Variants in GART observed in about 807,000 individuals in gnomAD.
GART encodes the protein trifunctional purine biosynthetic protein adenosine-3.
Under a neutral mutation model 107.2 loss-of-function variants are expected in GART, and 43 were observed. The observed-to-expected ratio is 0.40, with a 90% CI of 0.31 to 0.52. The LOEUF (loss-of-function observed/expected upper bound fraction) is 0.52. GART is among the 20% of genes least tolerant of loss of function. The probability of loss-of-function intolerance (pLI) is 0.52; values close to 1 mark genes in which losing one functional copy is unlikely to be tolerated. For synonymous variants in GART, 434 were observed against 427.0 expected (o/e 1.02, Z -0.20); for missense variants, 1,107 against 1,206.5 (o/e 0.92, Z 1.22).
chr21:33,533,520 A>G (rs1353786523), intron 4 of GART, among the ~76,000 whole-genome samples: 1 of 151,992 alleles, frequency 6.6e-6, no homozygotes. Flanking sequence ...GTGGTGGCAG[A>G]TGACCAAGTG....
In GART at chr21:33,511,295, C is replaced by G; in HGVS notation, c.2271G>C (p.Lys757Asn). ...EQILRDIQQH[K>N]EEAWVIGSVV... ...CACTGCCAATCACCCAGGCTTCTTCCTTGTGCTGCTGGATATCCCTCAGAA... is the reference window on the plus strand; with the variant it reads ...CACTGCCAATCACCCAGGCTTCTTCGTTGTGCTGCTGGATATCCCTCAGAA... The change falls in exon 17 of 22, where the codon AAG becomes AAC. Residue 757 changes from lysine (K) to asparagine (N), a missense_variant. Lys to Asn is a moderately conservative substitution (Grantham distance 94). Coordinates refer to ENST00000381815, the MANE Select transcript of GART (RefSeq NM_000819.5). 1 of 1,614,178 alleles carries G rather than the reference C, an allele frequency of 6.2e-7. No homozygotes were observed. Among genetic ancestry groups the G allele is most frequent in the Non-Finnish European group, 8.5e-7 (1 of 1,180,032 alleles).
chr21:33,525,163 C>G (rs1045865491), intron 10 of GART, among the ~76,000 whole-genome samples, 163 bp from the exon 11 acceptor site: 2 of 150,900 alleles, frequency 1.3e-5, no homozygotes, highest in Non-Finnish European at 2.9e-5. Flanking sequence ...GAGGCAAGGA[C>G]TGCTTGAGTC....
chr21:33,511,128 A>T (rs1398342802), intron 17 of GART, 124 bp downstream of exon 17: 3 of 921,870 alleles, frequency 3.3e-6, no homozygotes, highest in Non-Finnish European at 5.3e-6. Context: ...CATCTGTGTA[A>T]AGATAGTTGC....
At chr21:33,512,216 G>C (rs181403087) in intron 16 of GART, among the ~76,000 whole-genome samples, 4 of 149,056 alleles carry the variant, frequency 2.7e-5, no homozygotes, top group African/African-American at 2.5e-5. Context: ...CCTGGGAGGT[G>C]GAGGTTGCAG....
intron 11 of GART, chr21:33,524,185 C>T (rs1036809940): frequency 2.0e-6 from 2 of 985,296 alleles, no homozygotes; most frequent in Non-Finnish European, 2.4e-6. Context: ...CCAGTATTCT[C>T]ATCTTCAGTT....
rs370507844 is a variant in GART, at chr21:33,530,775, T to C, written c.707A>G (p.Tyr236Cys). Residue 236 changes from tyrosine (Y) to cysteine (C), a missense_variant, in exon 7 of 22, where the codon TAT (tyrosine) becomes TGT (cysteine). Tyr to Cys is a radical substitution (Grantham distance 194). Transcript: ENST00000381815. ...GGPNTGGMGA[Y>C]CPAPQVSNDL... ...GGGAAGTACCTGAGGGGCTGGACAA[T>C]AGGCTCCCATTCCCCCTGTGTTAGG... 6.6e-7 allele frequency: 1 copy of C among 1,506,270 alleles called. No homozygotes were observed. Among genetic ancestry groups the C allele is most frequent in the Non-Finnish European group, 8.8e-7 (1 of 1,132,764 alleles). The allele number at this position is 1,506,270 out of a possible 1,614,324, so 93.3% of individuals were successfully genotyped here.
In GART at chr21:33,531,568, G is replaced by GA. The variant is rs762167466; in HGVS notation, c.529-12dup. ...CCCAAAGGCTTTCTCCTGATTGTAA[G>GA]ATTTTTTTTTTTTTTTTTTTTAAAA... is the stretch of plus-strand genomic sequence containing the variant. On this transcript the variant is annotated splice_polypyrimidine_tract_variant and intron_variant, in intron 5 of 21. Transcript: ENST00000381815. 4.9e-6 allele frequency: 7 copies of GA among 1,439,772 alleles called. No individual in the cohort carries two copies. The South Asian group carries it at 9.0e-5, about 18-fold the overall frequency. 89.2% of individuals were successfully genotyped at this position (1,439,772 alleles called of 1,614,324 possible). A position where few individuals can be genotyped will look rare whatever the true frequency, so the allele number is the denominator to read the frequency against.
intron 2 of GART, among the ~76,000 whole-genome samples, chr21:33,538,512 C>T (rs1054132125): frequency 2.6e-5 from 4 of 152,128 alleles, no homozygotes; most frequent in Admixed American, 2.0e-4. Context: ...GGATTGTAAG[C>T]GTGAGCCACT....
At chr21:33,535,906 T>C (rs546340669) in intron 2 of GART, among the ~76,000 whole-genome samples, 2 of 152,150 alleles carry the variant, frequency 1.3e-5, no homozygotes, top group African/African-American at 4.8e-5. Context: ...CATGCACCTG[T>C]AATCCCAACT....
chr21:33,520,361 TA>T lies in GART; in HGVS notation c.1702+2del. The stretch of plus-strand genomic sequence containing the variant: ...TGTTATTGATTAAAATGGCTGATCA[TA>T]CCAAGGAGAGCACATCCAGCTTTTC... On this transcript the variant is annotated splice_donor_variant, in intron 14 of 21. Coordinates refer to ENST00000381815, the MANE Select transcript of GART (RefSeq NM_000819.5). LOFTEE classifies it high-confidence loss of function. The T allele has an allele frequency of 6.2e-7, 1 of 1,613,794 alleles. No homozygotes were observed. The highest frequency in any genetic ancestry group is 8.5e-7 in the Non-Finnish European group (1 of 1,179,686).
At chr21:33,528,660 A>G in intron 8 of GART, 56 bp from the exon 9 acceptor site, 1 of 1,206,510 alleles carries the variant, frequency 8.3e-7, no homozygotes, top group Middle Eastern at 2.1e-4. Context: ...TGATGAAGAC[A>G]CTGTATTACA....
chr21:33,535,476 G>A (rs1190635650), intron 2 of GART, among the ~76,000 whole-genome samples, 156 bp from the exon 3 acceptor site: 1 of 152,130 alleles, frequency 6.6e-6, no homozygotes, highest in African/African-American at 2.4e-5. Context: ...GTTTCAACAT[G>A]TGAAATTCAG....
At chr21:33,538,200 C>T (rs765698069) in intron 2 of GART, among the ~76,000 whole-genome samples, 2 of 137,658 alleles carry the variant, frequency 1.5e-5, no homozygotes, top group Non-Finnish European at 3.0e-5. Context: ...GCTGAGATCA[C>T]GCTACTGCAC....
chr21:33,517,145 C>T lies in GART; in HGVS notation c.1955-4G>A. On this transcript the variant is annotated splice_polypyrimidine_tract_variant and splice_region_variant and intron_variant, in intron 15 of 21. Coordinates refer to ENST00000381815, the MANE Select transcript of GART (RefSeq NM_000819.5). ...GTAGGCGTGAGAAGTAAGTCCCCTG[C>T]ATGTTGAAGAGAGAAGACAAAAACT... is the stretch of plus-strand genomic sequence containing the variant. 6.3e-7 allele frequency: 1 copy of T among 1,596,402 alleles called. No homozygotes were observed.
At chr21:33,511,992 GGGC>G (rs2084792673) in intron 16 of GART, among the ~76,000 whole-genome samples, 1 of 151,838 alleles carries the variant, frequency 6.6e-6, no homozygotes, top group Admixed American at 6.6e-5. Flanking sequence ...TCTCTCGGCC[GGGC>G]GTGAGAATCC....
intron 15 of GART, 73 bp downstream of exon 15, chr21:33,517,284 A>G (rs1189489307): frequency 8.8e-6 from 14 of 1,590,672 alleles, no homozygotes; most frequent in Non-Finnish European, 1.1e-5. Context: ...GCTCTAAGTA[A>G]TCAGAGACTA....
intron 18 of GART, 78 bp from the exon 19 acceptor site, chr21:33,506,182 G>A (rs1156433044): frequency 8.0e-6 from 12 of 1,504,136 alleles, no homozygotes; most frequent in African/African-American, 5.6e-5. Flanking sequence ...TCACTCTGTC[G>A]CCCAGGCTAG....
intron 16 of GART, among the ~76,000 whole-genome samples, chr21:33,513,030 C>T (rs1356106156): frequency 6.6e-6 from 1 of 151,748 alleles, no homozygotes; most frequent in Non-Finnish European, 1.5e-5. Context: ...ATTCTCATGC[C>T]TCAGCCTCCC....
At position 33,504,406 on chromosome 21, in the gene GART, A is replaced by G; in HGVS notation, c.2841+6T>C. 1 of 1,612,048 alleles carries G rather than the reference A, an allele frequency of 6.2e-7. No individual in the cohort carries two copies. The highest frequency in any genetic ancestry group is 8.5e-7 in the Non-Finnish European group (1 of 1,178,224). The stretch of plus-strand genomic sequence containing the variant: ...ATATTATGTTGGTAGAAAAAGACAT[A>G]CTCACAGCTACAAAGTGTACAGTGC... On this transcript the variant is annotated splice_donor_region_variant and intron_variant, in intron 21 of 21. Coordinates refer to ENST00000381815, the MANE Select transcript of GART (RefSeq NM_000819.5).
Sources: gnomAD v4.1 joint callset for allele counts (sites outside exome capture counted in the v4.1 genomes callset) on GRCh38, gnomAD v4.1.1 for gene constraint, MANE v1.5 for transcripts, NCBI Gene and HGNC (gene_info 2026-07-23, HGNC 2026-07-21) for gene names.